The following SNAP25 variants were observed in gnomAD, a reference collection of about 807,000 sequenced individuals.
SNAP25 encodes the protein synaptosome associated protein 25.
Under a neutral mutation model 28.7 loss-of-function variants are expected in SNAP25, and 3 were observed. The observed-to-expected ratio is 0.10, with a 90% confidence interval of 0.05 to 0.27. The LOEUF is 0.27. SNAP25 is among the 10% of genes least tolerant of loss of function. The probability of loss-of-function intolerance (pLI) is 1.00; values close to 1 mark genes in which losing one functional copy is unlikely to be tolerated. For missense variants in SNAP25, 117 were observed against 278.7 expected (o/e 0.42, Z 4.13); for synonymous variants, 61 against 88.1 (o/e 0.69, Z 1.72).
At chr20:10,248,208 T>C (rs1467057506) in intron 1 of SNAP25, among the ~76,000 whole-genome samples, 1 of 152,222 alleles carries the variant, frequency 6.6e-6, no homozygotes, top group Non-Finnish European at 1.5e-5. Flanking sequence ...ACAAAAAGTA[T>C]ACTTGGCTTT....
intron 1 of SNAP25, among the ~76,000 whole-genome samples, chr20:10,246,715 C>G (rs1010454487): frequency 3.9e-5 from 6 of 152,136 alleles, no homozygotes; most frequent in Non-Finnish European, 7.3e-5. Flanking sequence ...ATGTGCCCTT[C>G]AAGTGGAGAG....
chr20:10,286,177 G>A (rs566140127), intron 4 of SNAP25, among the ~76,000 whole-genome samples: 4 of 152,118 alleles, frequency 2.6e-5, no homozygotes, highest in South Asian at 2.1e-4. Flanking sequence ...ATTGTGGTAC[G>A]GCCATAAAAG....
intron 1 of SNAP25, among the ~76,000 whole-genome samples, chr20:10,240,139 A>G (rs1314243189): frequency 6.6e-6 from 1 of 151,962 alleles, no homozygotes; most frequent in East Asian, 1.9e-4. Context: ...TGTAGAGTTC[A>G]CTTCCTTGCA....
intron 1 of SNAP25, among the ~76,000 whole-genome samples, chr20:10,257,882 C>CAAT (rs2063347957): frequency 1.2e-5 from 1 of 84,220 alleles, no homozygotes; most frequent in African/African-American, 4.6e-5. Context: ...GACTCTGTCT[C>CAAT]AAAAAAAAAA....
intron 1 of SNAP25, among the ~76,000 whole-genome samples, chr20:10,242,427 T>G (rs2063051502): frequency 6.6e-6 from 1 of 152,112 alleles, no homozygotes; most frequent in Non-Finnish European, 1.5e-5. Context: ...GGTTCCTGTG[T>G]CTCAAGGGCA....
chr20:10,287,034 T>A (rs2063893633), intron 4 of SNAP25, among the ~76,000 whole-genome samples: 1 of 152,136 alleles, frequency 6.6e-6, no homozygotes, highest in African/African-American at 2.4e-5. Context: ...GGTACCTGAT[T>A]TCCGGTGCAA....
intron 1 of SNAP25, among the ~76,000 whole-genome samples, chr20:10,272,660 G>A (rs980054816): frequency 2.0e-5 from 3 of 152,096 alleles, no homozygotes; most frequent in Non-Finnish European, 4.4e-5. Context: ...ATCATCTCAC[G>A]AGCACATGTT....
chr20:10,282,293 T>C (rs1239096862), intron 3 of SNAP25, among the ~76,000 whole-genome samples: 1 of 152,114 alleles, frequency 6.6e-6, no homozygotes, highest in African/African-American at 2.4e-5. Flanking sequence ...ATCTTTTCAA[T>C]CTTACTCGGC....
chr20:10,223,681 T>G (rs2062677254), intron 1 of SNAP25, among the ~76,000 whole-genome samples: 1 of 151,372 alleles, frequency 6.6e-6, no homozygotes, highest in African/African-American at 2.4e-5. Flanking sequence ...AAAAAAAAAG[T>G]CTTACAAGAG....
At chr20:10,238,459 C>T (rs944674492) in intron 1 of SNAP25, among the ~76,000 whole-genome samples, 1 of 152,112 alleles carries the variant, frequency 6.6e-6, no homozygotes, top group Non-Finnish European at 1.5e-5. Context: ...GGTGGCAGCT[C>T]CTGCAGTCTC....
At chr20:10,264,058 G>A (rs985285464) in intron 1 of SNAP25, among the ~76,000 whole-genome samples, 1 of 152,048 alleles carries the variant, frequency 6.6e-6, no homozygotes, top group Non-Finnish European at 1.5e-5. Flanking sequence ...TGGCATTTTC[G>A]AAAAAGAGAG....
intron 1 of SNAP25, among the ~76,000 whole-genome samples, chr20:10,251,608 C>G (rs1425855382): frequency 6.6e-6 from 1 of 152,188 alleles, no homozygotes; most frequent in Admixed American, 6.5e-5. Flanking sequence ...GTTAAACAAA[C>G]CTGTCCTACC....
At chr20:10,244,072 C>T (rs1206481888) in intron 1 of SNAP25, among the ~76,000 whole-genome samples, 1 of 152,186 alleles carries the variant, frequency 6.6e-6, no homozygotes, top group Non-Finnish European at 1.5e-5. Flanking sequence ...CAATTTCCTC[C>T]TCTGAGAAAT....
At chr20:10,273,079 A>G (rs933568665) in intron 1 of SNAP25, among the ~76,000 whole-genome samples, 47 of 152,306 alleles carry the variant, frequency 3.1e-4, no homozygotes, top group African/African-American at 1.1e-3. Flanking sequence ...CTCCTCCCCC[A>G]GGATCAGATC....
At chr20:10,260,489 AACC>A (rs1479066279) in intron 1 of SNAP25, among the ~76,000 whole-genome samples, 1 of 151,858 alleles carries the variant, frequency 6.6e-6, no homozygotes, top group East Asian at 1.9e-4. Context: ...GCATTCCCTG[AACC>A]ACCACCAGCA....
intron 1 of SNAP25, among the ~76,000 whole-genome samples, chr20:10,247,057 A>G (rs567071700): frequency 6.6e-6 from 1 of 152,194 alleles, no homozygotes; most frequent in Non-Finnish European, 1.5e-5. Context: ...GATGTCAACT[A>G]TGGTGTTTCT....
rs938203903 is a variant in SNAP25, at chr20:10,274,768, G to A, written c.-63-661G>A. ...TGAGGCAGGAGAATGGCGTGAACCC[G>A]GGAGGCAGAGCTTGCAGTGAGCTGA... On this transcript the variant is annotated intron_variant, in intron 1 of 7. Coordinates refer to ENST00000254976, the MANE Select transcript of SNAP25 (RefSeq NM_130811.4). 5.3e-5 allele frequency among the ~76,000 whole-genome samples: 8 copies of A among 152,076 alleles called. No homozygotes were observed. In the East Asian group the frequency reaches 1.4e-3, roughly 26 times the overall value.
chr20:10,306,470 G>T lies in SNAP25; in HGVS notation c.*273G>T. ...TTTCATTTTTCATTTTCTCTCCTCG[G>T]TGGCATTTGCTGAATAACAACAATT... On this transcript the variant is annotated 3_prime_UTR_variant, in exon 8 of 8. Coordinates refer to ENST00000254976, the MANE Select transcript of SNAP25 (RefSeq NM_130811.4). 1 of 331,756 alleles carries T rather than the reference G, an allele frequency of 3.0e-6. No individual in the cohort carries two copies. The highest frequency in any genetic ancestry group is 5.0e-5 in the East Asian group (1 of 19,982). 20.6% of individuals were successfully genotyped at this position (331,756 alleles called of 1,614,324 possible).
chr20:10,306,142 A>C lies in SNAP25; in HGVS notation c.566A>C (p.Lys189Thr), dbSNP rs1395696987. 1.2e-6 allele frequency: 2 copies of C among 1,613,670 alleles called. No individual in the cohort carries two copies. The highest frequency in any genetic ancestry group is 1.7e-6 in the Non-Finnish European group (2 of 1,179,824). ...CCCCTTTTCTAGGCTGATTCCAACA[A>C]AACCAGAATTGATGAGGCCAACCAA... is the stretch of plus-strand genomic sequence containing the variant. ...DRIMEKADSN[K>T]TRIDEANQRA... The change falls in exon 8 of 8, where the codon AAA becomes ACA. Residue 189 changes from lysine (K) to threonine (T), a missense_variant. Coordinates refer to ENST00000254976, the MANE Select transcript of SNAP25 (RefSeq NM_130811.4).
Sources: gnomAD v4.1 joint callset for allele counts (sites outside exome capture counted in the v4.1 genomes callset) on GRCh38, gnomAD v4.1.1 for gene constraint, MANE v1.5 for transcripts, NCBI Gene and HGNC (gene_info 2026-07-23, HGNC 2026-07-21) for gene names.